Variants in RRP36 observed in about 807,000 individuals in gnomAD.
RRP36 encodes the protein ribosomal RNA processing protein 36 homolog.
In RRP36, 44 loss-of-function variants were observed where a neutral mutation model predicts 39.8. That is an observed-to-expected ratio of 1.10 (90% CI 0.87 to 1.42). The LOEUF is 1.42. RRP36 is among the 40% of genes most tolerant of loss of function. RRP36 has a pLI of 0.00. For missense variants in RRP36, 316 were observed against 322.4 expected (o/e 0.98, Z 0.15); for synonymous variants, 124 against 123.1 (o/e 1.01, Z -0.05).
At chr6:43,025,775 CA>C (rs1473193233) in intron 3 of RRP36, among the ~76,000 whole-genome samples, 3 of 149,294 alleles carry the variant, frequency 2.0e-5, no homozygotes, top group Non-Finnish European at 3.0e-5. Flanking sequence ...ACTAAAAATA[CA>C]AAAAAAAATA....
rs921363526 is a variant in RRP36, at chr6:43,029,448, T to C, written c.*220T>C. On this transcript the variant is annotated 3_prime_UTR_variant, in exon 7 of 7. Coordinates refer to ENST00000244496, the MANE Select transcript of RRP36 (RefSeq NM_033112.4). ...ACAGCCTCAGCTTGAATCTGGTTCA[T>C]TGCGTCCTCGTGTTCTTCTCTCATC... 4.2e-6 allele frequency: 2 copies of C among 473,004 alleles called. No individual in the cohort carries two copies. Among genetic ancestry groups the C allele is most frequent in the African/African-American group, 3.9e-5 (2 of 51,358 alleles). The allele number at this position is 473,004 out of a possible 1,614,324, so 29.3% of individuals were successfully genotyped here.
Position 43,022,185 on chromosome 6 carries a change from G to A in RRP36, c.130+401G>A, listed in dbSNP as rs1009521368. ...CAGTGGCGCGATGTCGGCAAGCTCC[G>A]CCTCCCGGGTTCACGCCATTCTGCT... On this transcript the variant is annotated intron_variant, in intron 1 of 6. Transcript: ENST00000244496. Among the ~76,000 whole-genome samples the A allele has an allele frequency of 2.6e-5, 4 of 151,780 alleles. No individual in the cohort carries two copies. In the East Asian group the frequency reaches 5.9e-4, roughly 22 times the overall value.
At chr6:43,028,616 T>C (rs4714655) in intron 6 of RRP36, among the ~76,000 whole-genome samples, 41,281 of 144,350 alleles carry the variant, frequency 0.29, 8,892 homozygotes, top group African/African-American at 0.61. Context: ...CCACAGCACT[T>C]CAGCCTGGGT....
At chr6:43,025,846 T>A (rs1425469007) in intron 3 of RRP36, among the ~76,000 whole-genome samples, 191 bp from the exon 4 acceptor site, 1 of 151,640 alleles carries the variant, frequency 6.6e-6, no homozygotes, top group East Asian at 1.9e-4. Flanking sequence ...GGCAGGAGAA[T>A]GGTGTGAACT....
At position 43,021,635 on chromosome 6, in the gene RRP36, C is replaced by A; in HGVS notation, c.-20C>A. 1.6e-6 allele frequency: 2 copies of A among 1,284,900 alleles called. No homozygotes were observed. The highest frequency in any genetic ancestry group is 2.0e-6 in the Non-Finnish European group (2 of 1,015,010). The allele number at this position is 1,284,900 out of a possible 1,614,324, so 79.6% of individuals were successfully genotyped here. ...GAGCGGAAGCGGCGCCATTCGTCTT[C>A]CGAGCGCTACTGCCAGCTGATGCCG... On this transcript the variant is annotated 5_prime_UTR_variant, in exon 1 of 7. Transcript: ENST00000244496.
chr6:43,027,873 T>TAC (rs748576166), intron 6 of RRP36, among the ~76,000 whole-genome samples: 170 of 146,604 alleles, frequency 1.2e-3, no homozygotes, highest in African/African-American at 2.9e-3. Flanking sequence ...TGGTCTATAC[T>TAC]ACACACACAC....
At chr6:43,025,366 T>G in intron 3 of RRP36, 37 bp downstream of exon 3, 3 of 1,598,966 alleles carry the variant, frequency 1.9e-6, no homozygotes, top group Non-Finnish European at 2.6e-6. Flanking sequence ...CTCACGCCTG[T>G]AATCCCAGCA....
Position 43,029,127 on chromosome 6 carries a change from A to G in RRP36, c.679A>G (p.Lys227Glu), listed in dbSNP as rs750587298. The G allele has an allele frequency of 2.2e-5, 36 of 1,614,128 alleles. No individual in the cohort carries two copies. The highest frequency in any genetic ancestry group is 1.0e-4 in the Admixed American group (6 of 60,008). The change falls in exon 7 of 7, where the codon AAG (lysine) becomes GAG (glutamate). Residue 227 changes from lysine to glutamate, a missense_variant. Transcript: ENST00000244496. ...CCAGTTGGCACTAGCTGAGAAGTTC[A>G]AGGAGCTGAAACGCAGCAAGAAATT... is the stretch of plus-strand genomic sequence containing the variant. The part of the protein sequence containing the change: ...QRQLALAEKF[K>E]ELKRSKKLEN...
Position 43,024,234 on chromosome 6 carries a change from A to G in RRP36, c.131-751A>G, listed in dbSNP as rs866703171. On this transcript the variant is annotated intron_variant, in intron 1 of 6. Transcript: ENST00000244496. Reference sequence around the variant, plus strand: ...AATAAAGGCTTGAAGGAACTGAGGGAGGAGCTGTACCTATGTACAGTTTCT... The same window carrying G: ...AATAAAGGCTTGAAGGAACTGAGGGGGGAGCTGTACCTATGTACAGTTTCT... 5.9e-5 allele frequency among the ~76,000 whole-genome samples: 9 copies of G among 152,162 alleles called. 1 individual carries two copies. In the Middle Eastern group the frequency reaches 0.021, roughly 347 times the overall value.
chr6:43,026,539 G>T (rs542217646), intron 4 of RRP36, among the ~76,000 whole-genome samples: 1 of 151,864 alleles, frequency 6.6e-6, no homozygotes, highest in East Asian at 1.9e-4. Context: ...CAAGTGTGGT[G>T]TTGCATGCCT....
chr6:43,024,133 C>T (rs1338734490), intron 1 of RRP36, among the ~76,000 whole-genome samples: 2 of 152,072 alleles, frequency 1.3e-5, no homozygotes, highest in African/African-American at 2.4e-5. Flanking sequence ...GGATTACAGG[C>T]GTGAGCCACC....
chr6:43,025,639 A>AT (rs1762799084), intron 3 of RRP36, among the ~76,000 whole-genome samples: 1 of 148,932 alleles, frequency 6.7e-6, no homozygotes, highest in Admixed American at 6.7e-5. Context: ...AAAAAAAAAA[A>AT]AAAAAATAGA....
intron 3 of RRP36, 68 bp downstream of exon 3, chr6:43,025,397 C>T (rs1222095076): frequency 2.9e-6 from 4 of 1,401,720 alleles, no homozygotes; most frequent in South Asian, 2.3e-5. Flanking sequence ...CCGAGGTGGG[C>T]GATCACCTGA....
chr6:43,025,646 T>TA (rs1166216913), intron 3 of RRP36, among the ~76,000 whole-genome samples: 14 of 94,492 alleles, frequency 1.5e-4, no homozygotes, highest in Admixed American at 8.7e-4. Flanking sequence ...AAAAAAAAAA[T>TA]AGAGGCCGGG....
rs1473283640 is a variant in RRP36, at chr6:43,026,105, C to G, written c.414C>G (p.Tyr138Ter). The G allele has an allele frequency of 6.2e-7, 1 of 1,613,622 alleles. No homozygotes were observed. The highest frequency in any genetic ancestry group is 8.5e-7 in the Non-Finnish European group (1 of 1,179,688). The change falls in exon 4 of 7, where the codon TAC (tyrosine) becomes TAG (stop). Residue 138 changes from tyrosine (Y) to a stop codon, truncating the protein, a stop_gained. Coordinates refer to ENST00000244496, the MANE Select transcript of RRP36 (RefSeq NM_033112.4). LOFTEE classifies it high-confidence loss of function. ...EYNPEVFDKTYQFLNDIRAKE... is the reference protein window; with the variant it reads ...EYNPEVFDKT ...ATCCTGAGGTGTTTGACAAAACATA[C>G]CAATTCTTGAATGACATCCGAGCGA...
In RRP36 at chr6:43,026,025, T is replaced by C. The variant is rs974132950; in HGVS notation, c.346-12T>C. The C allele has an allele frequency of 1.3e-5, 21 of 1,593,218 alleles. No homozygotes were observed. Among genetic ancestry groups the C allele is most frequent in the Admixed American group, 5.0e-5 (3 of 59,804 alleles). ...ACAGTTGTGTTTTATATTCTCTCTC[T>C]TCTCTCCAAAGGTAGCCCGGGACCC... On this transcript the variant is annotated splice_polypyrimidine_tract_variant and intron_variant, in intron 3 of 6. Transcript: ENST00000244496.
chr6:43,027,484 T>G lies in RRP36; in HGVS notation c.643+7T>G, dbSNP rs1762835232. 6.2e-7 allele frequency: 1 copy of G among 1,609,540 alleles called. No individual in the cohort carries two copies. Among genetic ancestry groups the G allele is most frequent in the South Asian group, 1.1e-5 (1 of 90,884 alleles). ...CCATACTTCCTGAAAAAATGTGAGT[T>G]GGGCACAACTGTTGCTAACAGGGAC... On this transcript the variant is annotated splice_region_variant and intron_variant, in intron 6 of 6. Coordinates refer to ENST00000244496, the MANE Select transcript of RRP36 (RefSeq NM_033112.4).
chr6:43,021,813 G>A, intron 1 of RRP36, 29 bp downstream of exon 1: 1 of 1,015,284 alleles, frequency 9.8e-7, no homozygotes, highest in Non-Finnish European at 1.2e-6. Flanking sequence ...GCGGGCTGGG[G>A]AGGGGAAGGA....
Position 43,026,032 on chromosome 6 carries a change from C to T in RRP36, c.346-5C>T. ...TGTTTTATATTCTCTCTCTTCTCTC[C>T]AAAGGTAGCCCGGGACCCTCGCTTT... On this transcript the variant is annotated splice_polypyrimidine_tract_variant and splice_region_variant and intron_variant, in intron 3 of 6. Coordinates refer to ENST00000244496, the MANE Select transcript of RRP36 (RefSeq NM_033112.4). 1 of 1,607,984 alleles carries T rather than the reference C, an allele frequency of 6.2e-7. No homozygotes were observed. Among genetic ancestry groups the T allele is most frequent in the Non-Finnish European group, 8.5e-7 (1 of 1,174,808 alleles).
Sources: allele counts gnomAD v4.1 joint callset (sites outside exome capture counted in the v4.1 genomes callset), GRCh38; gene constraint gnomAD v4.1.1; transcripts MANE v1.5; gene names NCBI Gene and HGNC (gene_info 2026-07-23, HGNC 2026-07-21).